The following CNOT6L variants were observed in gnomAD, a reference collection of about 807,000 sequenced individuals.
CNOT6L encodes CCR4-NOT transcription complex subunit 6 like, also known as CCR4-NOT transcription complex subunit 6-like.
In CNOT6L, 7 loss-of-function variants were observed where a neutral mutation model predicts 64.0. That is an observed-to-expected ratio of 0.11 (90% confidence interval 0.06 to 0.21). The LOEUF (loss-of-function observed/expected upper bound fraction) is 0.21, where lower values mean the gene tolerates loss of function less well. Ranked by LOEUF, CNOT6L falls within the 10% of genes least tolerant of loss-of-function variation. The pLI is 1.00. For missense variants in CNOT6L, 245 were observed against 669.0 expected, an observed-to-expected ratio of 0.37 and a Z score of 6.99; for synonymous variants, 193 against 243.4, an observed-to-expected ratio of 0.79 and a Z score of 1.93.
In CNOT6L at chr4:77,774,515, G is replaced by C; in HGVS notation, c.314+15C>G. Reference sequence around the variant, plus strand: ...GAATTTTATATAGTGAGTCATGTCTGTTTTATTTCCTCACCTGAGAGACAC... The same window carrying C: ...GAATTTTATATAGTGAGTCATGTCTCTTTTATTTCCTCACCTGAGAGACAC... On this transcript the variant is annotated intron_variant, in intron 3 of 11. Transcript: ENST00000504123. 1 of 1,579,476 alleles carries C rather than the reference G, an allele frequency of 6.3e-7. No homozygotes were observed. The highest frequency in any genetic ancestry group is 8.6e-7 in the Non-Finnish European group (1 of 1,164,300).
At chr4:77,750,575 G>A (rs1001287526) in intron 5 of CNOT6L, among the ~76,000 whole-genome samples, 5 of 151,966 alleles carry the variant, frequency 3.3e-5, no homozygotes, top group African/African-American at 1.2e-4. Flanking sequence ...GGATGGTCTC[G>A]ATCTCCTGAT....
chr4:77,819,375 A>ACGCG (rs747058020), upstream of CNOT6L: 10,994 of 1,569,234 alleles, frequency 7.0e-3, 39 homozygotes, highest in Non-Finnish European at 8.2e-3. Context: ...ACACACAAAC[A>ACGCG]CGCGCGCGCG....
rs1337090335 is a variant in CNOT6L at position 77,718,231 on chromosome 4, A to T, written c.*2200T>A. 1.3e-5 allele frequency: 2 copies of T among 152,582 alleles called. No individual in the cohort carries two copies. The highest frequency in any genetic ancestry group is 1.3e-4 in the Admixed American group (2 of 15,258). The allele number at this position is 152,582 out of a possible 1,614,324, so 9.5% of individuals were successfully genotyped here. ...CTAATTAACATGCGTATATGAAAGG[A>T]GGAAAATGTTTTGTTAGTGCATATA... On this transcript the variant is annotated 3_prime_UTR_variant, in exon 12 of 12. Coordinates refer to ENST00000504123, the MANE Select transcript of CNOT6L (RefSeq NM_144571.3).
intron 8 of CNOT6L, among the ~76,000 whole-genome samples, chr4:77,732,519 G>A (rs1456710805): frequency 6.6e-6 from 1 of 151,922 alleles, no homozygotes; most frequent in African/African-American, 2.4e-5. Context: ...CAAAAATATT[G>A]ACTTACTATG....
chr4:77,773,360 AT>A (rs1312783653), intron 3 of CNOT6L, among the ~76,000 whole-genome samples, 194 bp from the exon 4 acceptor site: 1 of 152,190 alleles, frequency 6.6e-6, no homozygotes, highest in East Asian at 1.9e-4. Context: ...ACTATTAACA[AT>A]GGTTCTATTT....
In CNOT6L at chr4:77,720,384, T is replaced by C; in HGVS notation, c.*47A>G. ...TCCTACATACTTTGATTTACAACTG[T>C]ACAGGTCCATAGCAACAGATCCCCG... On this transcript the variant is annotated 3_prime_UTR_variant, in exon 12 of 12. Transcript: ENST00000504123. The C allele has an allele frequency of 1.3e-6, 2 of 1,596,000 alleles. No homozygotes were observed. Among genetic ancestry groups the C allele is most frequent in the South Asian group, 2.2e-5 (2 of 90,230 alleles).
At chr4:77,724,943 A>T (rs1046097757) in intron 11 of CNOT6L, among the ~76,000 whole-genome samples, 2 of 147,962 alleles carry the variant, frequency 1.4e-5, no homozygotes, top group Admixed American at 6.8e-5. Flanking sequence ...GTTCAATGGT[A>T]TCATGTTGGA....
chr4:77,791,048 C>T (rs930503406), intron 1 of CNOT6L, among the ~76,000 whole-genome samples: 4 of 151,986 alleles, frequency 2.6e-5, no homozygotes, highest in East Asian at 3.9e-4. Context: ...GAGGCTGAGG[C>T]GGGCAGATCA....
intron 1 of CNOT6L, among the ~76,000 whole-genome samples, chr4:77,789,924 C>T (rs537374876): frequency 1.6e-5 from 2 of 122,402 alleles, no homozygotes; most frequent in African/African-American, 6.5e-5. Context: ...GCAGCCTAAG[C>T]GACAAAGCAA....
intron 7 of CNOT6L, among the ~76,000 whole-genome samples, chr4:77,743,381 C>G (rs1354849013): frequency 6.6e-6 from 1 of 151,952 alleles, no homozygotes; most frequent in Admixed American, 6.6e-5. Context: ...CTACAATAGC[C>G]TGATTTTGTT....
In CNOT6L at chr4:77,720,408, C is replaced by A. The variant is rs749179506; in HGVS notation, c.*23G>T. ...GTACAGGTCCATAGCAACAGATCCCCGTCTTGGCGGGGCAGTACTCCACTA... is the reference window on the plus strand; with the variant it reads ...GTACAGGTCCATAGCAACAGATCCCAGTCTTGGCGGGGCAGTACTCCACTA... On this transcript the variant is annotated 3_prime_UTR_variant, in exon 12 of 12. Transcript: ENST00000504123. The A allele has an allele frequency of 3.7e-6, 6 of 1,612,894 alleles. No individual in the cohort carries two copies.
chr4:77,729,214 A>G, intron 9 of CNOT6L, 133 bp from the exon 10 acceptor site: 3 of 663,694 alleles, frequency 4.5e-6, no homozygotes, highest in East Asian at 5.3e-5. Flanking sequence ...CTTCCCTTTT[A>G]TCTCATAAAG....
chr4:77,761,296 A>T (rs1434043237), intron 4 of CNOT6L, among the ~76,000 whole-genome samples: 1 of 152,190 alleles, frequency 6.6e-6, no homozygotes, highest in East Asian at 1.9e-4. Flanking sequence ...CAGGAGAATC[A>T]ACCAAATGAC....
At chr4:77,761,138 C>A (rs1401388583) in intron 4 of CNOT6L, among the ~76,000 whole-genome samples, 3 of 151,840 alleles carry the variant, frequency 2.0e-5, no homozygotes, top group Non-Finnish European at 4.4e-5. Context: ...TAGAAAACAT[C>A]AGCAAAAATG....
intron 1 of CNOT6L, among the ~76,000 whole-genome samples, chr4:77,816,433 T>A (rs549716144): frequency 6.6e-6 from 1 of 152,246 alleles, no homozygotes; most frequent in South Asian, 2.1e-4. Flanking sequence ...TATAACCACA[T>A]GGCAGAAGAT....
intron 1 of CNOT6L, among the ~76,000 whole-genome samples, chr4:77,785,322 A>C (rs1158231018): frequency 6.6e-6 from 1 of 152,238 alleles, no homozygotes; most frequent in African/African-American, 2.4e-5. Flanking sequence ...ATAAAACATC[A>C]GAAGAAAACA....
At chr4:77,760,348 C>A (rs1307098837) in intron 4 of CNOT6L, among the ~76,000 whole-genome samples, 2 of 151,944 alleles carry the variant, frequency 1.3e-5, no homozygotes, top group Non-Finnish European at 2.9e-5. Context: ...GCACTCTAGC[C>A]TGGGTGACAG....
rs1369058086 is a variant in CNOT6L, at chr4:77,773,091, T to C, written c.390A>G (p.Leu130=). 1.9e-6 allele frequency: 3 copies of C among 1,599,488 alleles called. No homozygotes were observed. In the African/African-American group the frequency reaches 4.1e-5, roughly 22 times the overall value. ...ELGRLFQLQT[L]GLKGNPLSQD... ...TTAAAAATCACTTACCTTTCAAACC[T>C]AGAGTTTGTAGCTGGAAGAGCCGAC... The change falls in exon 4 of 12, where the codon CTA becomes CTG. Residue 130 remains leucine (L), a synonymous_variant. Coordinates refer to ENST00000504123, the MANE Select transcript of CNOT6L (RefSeq NM_144571.3).
intron 8 of CNOT6L, among the ~76,000 whole-genome samples, chr4:77,733,467 T>C (rs1036353021): frequency 6.6e-6 from 1 of 152,228 alleles, no homozygotes; most frequent in Middle Eastern, 3.4e-3. Context: ...ATTTGAAACA[T>C]GTGAGTGAAC....
Sources: gnomAD v4.1 joint callset for allele counts (sites outside exome capture counted in the v4.1 genomes callset) on GRCh38, gnomAD v4.1.1 for gene constraint, MANE v1.5 for transcripts, NCBI Gene and HGNC (gene_info 2026-07-23, HGNC 2026-07-21) for gene names.